The following VWC2L variants were observed in gnomAD, a reference collection of about 807,000 sequenced individuals.
VWC2L encodes the protein von Willebrand factor C domain containing 2 like.
In VWC2L, 10 loss-of-function variants were observed where a neutral mutation model predicts 21.6. The observed-to-expected ratio is 0.46, with a 90% CI of 0.29 to 0.78. VWC2L has a LOEUF of 0.78. Ranked by LOEUF, VWC2L falls within the 30% of genes least tolerant of loss-of-function variation. The probability of loss-of-function intolerance (pLI) is 0.10; values close to 1 mark genes in which losing one functional copy is unlikely to be tolerated. For missense variants in VWC2L, 209 were observed against 277.1 expected, an observed-to-expected ratio of 0.75 and a Z score of 1.74; for synonymous variants, 96 against 94.3, an observed-to-expected ratio of 1.02 and a Z score of -0.10.
intron 3 of VWC2L, among the ~76,000 whole-genome samples, chr2:214,444,293 A>C (rs1184329731): frequency 6.6e-6 from 1 of 152,026 alleles, no homozygotes; most frequent in Non-Finnish European, 1.5e-5. Context: ...GCTCTTAGAA[A>C]TTGATTGTTT....
At chr2:214,493,033 A>G (rs1313257629) in intron 3 of VWC2L, among the ~76,000 whole-genome samples, 1 of 152,228 alleles carries the variant, frequency 6.6e-6, no homozygotes, top group African/African-American at 2.4e-5. Flanking sequence ...AATAATTGAG[A>G]ACAATATTAA....
At chr2:214,427,845 A>T (rs1378797444) in intron 2 of VWC2L, among the ~76,000 whole-genome samples, 4 of 152,178 alleles carry the variant, frequency 2.6e-5, no homozygotes, top group Non-Finnish European at 5.9e-5. Context: ...ATTATACTGT[A>T]TTGTTTAGTA....
intron 3 of VWC2L, among the ~76,000 whole-genome samples, chr2:214,515,171 G>T (rs1421968480): frequency 6.6e-6 from 1 of 152,090 alleles, no homozygotes; most frequent in Non-Finnish European, 1.5e-5. Context: ...GAAGGAATAT[G>T]GTATGATTGC....
intron 2 of VWC2L, among the ~76,000 whole-genome samples, chr2:214,435,335 T>C (rs1702662692): frequency 6.6e-6 from 1 of 152,206 alleles, no homozygotes; most frequent in African/African-American, 2.4e-5. Flanking sequence ...AAAAATGCCA[T>C]TGATCATGTT....
At chr2:214,520,208 C>T (rs577185582) in intron 3 of VWC2L, among the ~76,000 whole-genome samples, 3 of 152,062 alleles carry the variant, frequency 2.0e-5, no homozygotes, top group African/African-American at 7.2e-5. Flanking sequence ...TACATTTTTC[C>T]AGCCCATTCC....
intron 3 of VWC2L, among the ~76,000 whole-genome samples, chr2:214,535,916 A>G (rs1351251031): frequency 6.6e-6 from 1 of 152,090 alleles, no homozygotes; most frequent in Non-Finnish European, 1.5e-5. Flanking sequence ...GAATAGGGAT[A>G]CATTACCTCA....
At chr2:214,465,228 G>A (rs923669925) in intron 3 of VWC2L, among the ~76,000 whole-genome samples, 4 of 152,088 alleles carry the variant, frequency 2.6e-5, no homozygotes, top group African/African-American at 9.7e-5. Flanking sequence ...ACCACAGCTG[G>A]GAATGCACTC....
At chr2:214,448,283 A>T (rs918870666) in intron 3 of VWC2L, among the ~76,000 whole-genome samples, 2 of 152,350 alleles carry the variant, frequency 1.3e-5, no homozygotes, top group East Asian at 3.9e-4. Context: ...ATGAATCCAC[A>T]CACACCCATA....
chr2:214,469,287 C>T (rs1050339405), intron 3 of VWC2L, among the ~76,000 whole-genome samples: 1 of 152,072 alleles, frequency 6.6e-6, no homozygotes, highest in Admixed American at 6.6e-5. Flanking sequence ...AGGTCTATAC[C>T]TCCTCACTAA....
At chr2:214,458,186 G>A (rs1045781733) in intron 3 of VWC2L, among the ~76,000 whole-genome samples, 1 of 151,986 alleles carries the variant, frequency 6.6e-6, no homozygotes, top group African/African-American at 2.4e-5. Context: ...TAGGTTGTAT[G>A]TGTCCATTGC....
chr2:214,496,674 C>T (rs1688817815), intron 3 of VWC2L, among the ~76,000 whole-genome samples: 3 of 152,212 alleles, frequency 2.0e-5, no homozygotes, highest in Admixed American at 1.3e-4. Flanking sequence ...CGTGATTGTA[C>T]TATTGCTTAA....
intron 3 of VWC2L, among the ~76,000 whole-genome samples, chr2:214,530,128 T>C (rs932776070): frequency 6.6e-6 from 1 of 152,214 alleles, no homozygotes; most frequent in African/African-American, 2.4e-5. Context: ...TATACTTACA[T>C]TGCCATTTCC....
intron 3 of VWC2L, among the ~76,000 whole-genome samples, chr2:214,563,433 G>A (rs1352883959): frequency 6.6e-6 from 1 of 151,442 alleles, no homozygotes; most frequent in Non-Finnish European, 1.5e-5. Context: ...TGTATTCCCA[G>A]CTACTCAGGA....
chr2:214,461,259 G>C (rs1056667996), intron 3 of VWC2L, among the ~76,000 whole-genome samples: 2 of 152,136 alleles, frequency 1.3e-5, no homozygotes, highest in Non-Finnish European at 2.9e-5. Flanking sequence ...TTGCTCAGGG[G>C]CCAGAAGTAG....
At chr2:214,547,741 T>C (rs1689732305) in intron 3 of VWC2L, among the ~76,000 whole-genome samples, 1 of 152,174 alleles carries the variant, frequency 6.6e-6, no homozygotes. Context: ...AGATATTCCA[T>C]GGGAATCAAA....
At chr2:214,504,143 C>T (rs1412106916) in intron 3 of VWC2L, among the ~76,000 whole-genome samples, 2 of 152,162 alleles carry the variant, frequency 1.3e-5, no homozygotes, top group Non-Finnish European at 2.9e-5. Context: ...CAAAAGAATG[C>T]AGATTTCAAA....
intron 3 of VWC2L, among the ~76,000 whole-genome samples, chr2:214,489,845 T>G (rs1412967343): frequency 6.6e-6 from 1 of 152,224 alleles, no homozygotes; most frequent in Non-Finnish European, 1.5e-5. Context: ...TTTTAATATG[T>G]GGCTTCAAGG....
At chr2:214,427,669 T>C (rs1053786398) in intron 2 of VWC2L, among the ~76,000 whole-genome samples, 1 of 152,150 alleles carries the variant, frequency 6.6e-6, no homozygotes, top group Middle Eastern at 3.2e-3. Flanking sequence ...CCAAATCCTC[T>C]CCAATACCAA....
At chr2:214,421,460 T>C (rs13417343) in intron 2 of VWC2L, among the ~76,000 whole-genome samples, 35,221 of 152,062 alleles carry the variant, frequency 0.23, 4,894 homozygotes, top group African/African-American at 0.39. Context: ...TACCAATATT[T>C]ATTGCTGTCC....
Sources: allele counts gnomAD v4.1 joint callset (sites outside exome capture counted in the v4.1 genomes callset), GRCh38; gene constraint gnomAD v4.1.1; transcripts MANE v1.5; gene names NCBI Gene and HGNC (gene_info 2026-07-23, HGNC 2026-07-21).